The following PHACTR1 variants were observed in gnomAD, a reference collection of about 807,000 sequenced individuals.
The protein encoded by PHACTR1 is phosphatase and actin regulator 1.
A neutral mutation model predicts 69.2 loss-of-function variants in PHACTR1; 16 were observed. The observed-to-expected ratio is 0.23, with a 90% CI of 0.16 to 0.35. The LOEUF is 0.35. Among genes scored for constraint, PHACTR1 ranks in the 10% least tolerant of loss-of-function variants. PHACTR1 has a pLI of 1.00. For missense variants in PHACTR1, 510 were observed against 734.7 expected (o/e 0.69, Z 3.54); for synonymous variants, 312 against 284.5 (o/e 1.10, Z -0.97).
chr6:12,735,697 A>C (rs551272171), intron 3 of PHACTR1, among the ~76,000 whole-genome samples: 5 of 152,354 alleles, frequency 3.3e-5, no homozygotes, highest in African/African-American at 4.8e-5. Context: ...CACACTTTAA[A>C]GAAGAGTTAG....
At chr6:12,921,809 A>AGGGAGGGAAGAAGGAAGGGAGGGG (rs1312249871) in intron 4 of PHACTR1, among the ~76,000 whole-genome samples, 3 of 7,692 alleles carry the variant, frequency 3.9e-4, no homozygotes, top group South Asian at 4.1e-3. Context: ...GAAGGGAGGG[A>AGGGAGGGAAGAAGGAAGGGAGGGG]GGGAGCAAGG....
chr6:12,755,353 C>A (rs370594025), intron 4 of PHACTR1, among the ~76,000 whole-genome samples: 1 of 152,184 alleles, frequency 6.6e-6, no homozygotes, highest in Non-Finnish European at 1.5e-5. Flanking sequence ...ATTCACTCAG[C>A]TCTAAGATGA....
chr6:12,787,138 C>A (rs181977914), intron 4 of PHACTR1, among the ~76,000 whole-genome samples: 1 of 152,274 alleles, frequency 6.6e-6, no homozygotes, highest in African/African-American at 2.4e-5. Flanking sequence ...TTAGAGAGCA[C>A]CCCGTCCTTA....
intron 3 of PHACTR1, among the ~76,000 whole-genome samples, chr6:12,746,976 C>T (rs892228792): frequency 7.2e-5 from 11 of 152,252 alleles, no homozygotes; most frequent in South Asian, 2.1e-4. Flanking sequence ...AACCTGAACC[C>T]GAAAGTTGTA....
At chr6:12,857,132 A>G (rs1780460477) in intron 4 of PHACTR1, among the ~76,000 whole-genome samples, 1 of 152,210 alleles carries the variant, frequency 6.6e-6, no homozygotes, top group African/African-American at 2.4e-5. Flanking sequence ...GTAGTAAATC[A>G]AATGCTCATT....
intron 5 of PHACTR1, among the ~76,000 whole-genome samples, chr6:13,136,173 T>C (rs1387129230): frequency 6.6e-6 from 1 of 151,780 alleles, no homozygotes; most frequent in Admixed American, 6.6e-5. Context: ...AAGTATTCTA[T>C]AAAATGAACG....
chr6:13,221,621 G>A (rs1208141146), intron 8 of PHACTR1, among the ~76,000 whole-genome samples: 3 of 152,194 alleles, frequency 2.0e-5, no homozygotes, highest in Admixed American at 6.5e-5. Context: ...CATCTAAAAC[G>A]GGAAGATCAC....
chr6:13,205,654 C>T (rs184387414), intron 7 of PHACTR1, among the ~76,000 whole-genome samples, 161 bp from the exon 8 acceptor site: 2 of 152,338 alleles, frequency 1.3e-5, no homozygotes, highest in Admixed American at 6.5e-5. Flanking sequence ...TCAATGGATA[C>T]TTGCTGAGTA....
At position 13,252,228 on chromosome 6, in the gene PHACTR1, GA is replaced by G. The variant is rs1202744845; in HGVS notation, c.1392-20622del. Reference sequence around the variant, plus strand: ...CTGCCTTTACAAAAAAAAAAAAATAGAAAAAAAAAATTAGCCAGGTGCCTGG... The same window carrying G: ...CTGCCTTTACAAAAAAAAAAAAATAGAAAAAAAAATTAGCCAGGTGCCTGG... On this transcript the variant is annotated intron_variant, in intron 10 of 14. Transcript: ENST00000332995. 1.5e-3 allele frequency among the ~76,000 whole-genome samples: 185 copies of G among 120,766 alleles called. 1 individual carries two copies. The highest frequency in any genetic ancestry group is 4.4e-3 in the Middle Eastern group (1 of 226). 79.2% of individuals were successfully genotyped at this position (120,766 alleles called of 152,430 possible).
chr6:13,066,063 A>G (rs1231308974), intron 5 of PHACTR1, among the ~76,000 whole-genome samples: 2 of 152,198 alleles, frequency 1.3e-5, no homozygotes, highest in Non-Finnish European at 1.5e-5. Flanking sequence ...AGCAGACTTA[A>G]TGGTCCTGTT....
chr6:13,283,756 A>C lies in PHACTR1; in HGVS notation c.1650+194A>C. ...CGGAAAGGCTGCTGAATCGGAGAAA[A>C]CACAAGGCACATAATACTGTGCCCA... On this transcript the variant is annotated intron_variant, in intron 13 of 14. Coordinates refer to ENST00000332995, the MANE Select transcript of PHACTR1 (RefSeq NM_030948.6). This position sits in a 1 kb window ranked among gnomAD's most constrained non-coding sequence, Gnocchi z 4.7. 1 of 744,422 alleles carries C rather than the reference A, an allele frequency of 1.3e-6. No homozygotes were observed. The highest frequency in any genetic ancestry group is 2.6e-5 in the Admixed American group (1 of 39,170). 46.1% of individuals were successfully genotyped at this position (744,422 alleles called of 1,614,324 possible). A position where few individuals can be genotyped will look rare whatever the true frequency, so the allele number is the denominator to read the frequency against.
intron 4 of PHACTR1, among the ~76,000 whole-genome samples, chr6:12,912,751 G>A (rs1217734454): frequency 6.6e-6 from 1 of 152,126 alleles, no homozygotes; most frequent in African/African-American, 2.4e-5. Flanking sequence ...CCAGGAGTTC[G>A]AAATTAGCCA....
intron 4 of PHACTR1, among the ~76,000 whole-genome samples, chr6:12,890,975 A>G (rs984733935): frequency 2.0e-5 from 3 of 152,218 alleles, no homozygotes; most frequent in African/African-American, 7.2e-5. Context: ...TGCTTGGGAC[A>G]AAGTAATGCT....
chr6:13,069,060 G>A (rs995588755), intron 5 of PHACTR1, among the ~76,000 whole-genome samples: 12 of 152,108 alleles, frequency 7.9e-5, no homozygotes, highest in African/African-American at 2.6e-4. Flanking sequence ...TGCAGGCCCC[G>A]AGGCCAGTGC....
Position 13,062,659 on chromosome 6 carries a change from G to A in PHACTR1, c.415+9130G>A, listed in dbSNP as rs1361626822. 2.6e-5 allele frequency among the ~76,000 whole-genome samples: 4 copies of A among 152,140 alleles called. No homozygotes were observed. The East Asian group carries it at 7.7e-4, about 29-fold the overall frequency. On this transcript the variant is annotated intron_variant, in intron 5 of 14. Coordinates refer to ENST00000332995, the MANE Select transcript of PHACTR1 (RefSeq NM_030948.6). ...ATGGTTGCCTTCCATGCTAGCCCCA[G>A]ATTTCTCATTCCTCTATCAGGAAAC... is the stretch of plus-strand genomic sequence containing the variant.
intron 4 of PHACTR1, among the ~76,000 whole-genome samples, chr6:12,805,221 A>G (rs1774169246): frequency 6.6e-6 from 1 of 152,218 alleles, no homozygotes. Context: ...ATCAATTAAC[A>G]CATTGTATGG....
chr6:13,269,800 C>T (rs1207228603), intron 10 of PHACTR1, among the ~76,000 whole-genome samples: 2 of 152,148 alleles, frequency 1.3e-5, no homozygotes, highest in African/African-American at 4.8e-5. Flanking sequence ...CACCACTGCA[C>T]TCCAGCCTGG....
chr6:13,119,194 G>A (rs947628474), intron 5 of PHACTR1, among the ~76,000 whole-genome samples: 1 of 152,126 alleles, frequency 6.6e-6, no homozygotes, highest in African/African-American at 2.4e-5. Context: ...CCTTGTGCAT[G>A]GTAAGAAAAG....
intron 4 of PHACTR1, among the ~76,000 whole-genome samples, chr6:12,894,211 A>G (rs571852930): frequency 6.6e-6 from 1 of 152,262 alleles, no homozygotes; most frequent in Admixed American, 6.5e-5. Context: ...AGTGGACAAA[A>G]GCAAATAATA....
Sources: allele counts gnomAD v4.1 joint callset (sites outside exome capture counted in the v4.1 genomes callset), GRCh38; gene constraint gnomAD v4.1.1; non-coding constraint Gnocchi (gnomAD v3.1); transcripts MANE v1.5; gene names NCBI Gene and HGNC (gene_info 2026-07-23, HGNC 2026-07-21).